The following EGFLAM variants were observed in gnomAD, a reference collection of about 807,000 sequenced individuals.
EGFLAM encodes the protein EGF like, fibronectin type III and laminin G domains, also known as pikachurin.
In EGFLAM, 79 loss-of-function variants were observed where a neutral mutation model predicts 113.1. That is an observed-to-expected ratio of 0.70 (90% confidence interval 0.58 to 0.84). EGFLAM has a LOEUF of 0.84. EGFLAM is among the 40% of genes least tolerant of loss of function. EGFLAM has a pLI of 0.00. For synonymous variants in EGFLAM, 504 were observed against 487.6 expected (o/e 1.03, Z -0.44); for missense variants, 1,265 against 1,291.6 (o/e 0.98, Z 0.32).
intron 12 of EGFLAM, among the ~76,000 whole-genome samples, chr5:38,421,705 C>T (rs919432766): frequency 2.0e-5 from 3 of 152,088 alleles, no homozygotes; most frequent in African/African-American, 7.2e-5. Flanking sequence ...AGTGGTGCTG[C>T]AGTGGTGATG....
At chr5:38,377,627 GA>G (rs1424803481) in intron 6 of EGFLAM, among the ~76,000 whole-genome samples, 1 of 152,164 alleles carries the variant, frequency 6.6e-6, no homozygotes, top group Admixed American at 6.5e-5. Flanking sequence ...AGTTGTTCTA[GA>G]AACCCACATA....
chr5:38,282,948 G>T (rs1173709909), intron 1 of EGFLAM, among the ~76,000 whole-genome samples: 1 of 152,082 alleles, frequency 6.6e-6, no homozygotes, highest in Non-Finnish European at 1.5e-5. Context: ...AGACTCAAGT[G>T]ATCCTCCCAC....
intron 1 of EGFLAM, among the ~76,000 whole-genome samples, chr5:38,335,567 G>A (rs563492633): frequency 3.9e-5 from 6 of 152,268 alleles, no homozygotes; most frequent in Non-Finnish European, 7.4e-5. Context: ...GTTGAGCCAA[G>A]AGGAAGCCAC....
At chr5:38,260,746 A>G (rs1757481042) in intron 1 of EGFLAM, among the ~76,000 whole-genome samples, 1 of 152,220 alleles carries the variant, frequency 6.6e-6, no homozygotes, top group South Asian at 2.1e-4. Flanking sequence ...CTCAGATTAA[A>G]ATGACAGCTA....
chr5:38,394,441 G>A (rs1357533008), intron 6 of EGFLAM, among the ~76,000 whole-genome samples: 9 of 151,054 alleles, frequency 6.0e-5, no homozygotes, highest in African/African-American at 1.7e-4. Flanking sequence ...ACGGAGTCCC[G>A]CTCTGTCTCC....
At chr5:38,461,754 A>G (rs1400372520) in intron 20 of EGFLAM, among the ~76,000 whole-genome samples, 1 of 152,206 alleles carries the variant, frequency 6.6e-6, no homozygotes, top group Non-Finnish European at 1.5e-5. Context: ...AACAAGGCTC[A>G]TGGGGCTGGA....
At chr5:38,366,922 G>C (rs1259816697) in intron 5 of EGFLAM, among the ~76,000 whole-genome samples, 1 of 152,184 alleles carries the variant, frequency 6.6e-6, no homozygotes, top group African/African-American at 2.4e-5. Flanking sequence ...ATGGTAAGTG[G>C]CAAAATGAAC....
chr5:38,451,446 C>T lies in EGFLAM; in HGVS notation c.2675C>T (p.Ala892Val). The T allele has an allele frequency of 1.9e-6, 3 of 1,614,044 alleles. No individual in the cohort carries two copies. The highest frequency in any genetic ancestry group is 1.7e-6 in the Non-Finnish European group (2 of 1,179,944). Residue 892 changes from alanine (A) to valine (V), a missense_variant, in exon 19 of 22, where the codon GCC (alanine) becomes GTC (valine). Ala to Val is a moderately conservative substitution (Grantham distance 64, BLOSUM62 0). Transcript: ENST00000322350. ...ATTTCCTTGGGCCTTCGGGATGGAGCCCTCGTGTTCAGGTAACCCCCTCTC... is the reference window on the plus strand; with the variant it reads ...ATTTCCTTGGGCCTTCGGGATGGAGTCCTCGTGTTCAGGTAACCCCCTCTC... Reference protein sequence around the residue: ...DFISLGLRDGALVFSYNLGSG... With the variant: ...DFISLGLRDGVLVFSYNLGSG...
intron 1 of EGFLAM, among the ~76,000 whole-genome samples, chr5:38,262,820 T>C (rs1402679489): frequency 6.6e-6 from 1 of 152,224 alleles, no homozygotes; most frequent in African/African-American, 2.4e-5. Context: ...AAGATATATG[T>C]TTCCATTTCT....
At chr5:38,457,744 C>T (rs1480073917) in intron 19 of EGFLAM, among the ~76,000 whole-genome samples, 1 of 152,126 alleles carries the variant, frequency 6.6e-6, no homozygotes, top group Non-Finnish European at 1.5e-5. Context: ...TGATAAAGCC[C>T]TTCTTGTTAT....
intron 16 of EGFLAM, among the ~76,000 whole-genome samples, chr5:38,435,612 T>G (rs1419531646): frequency 1.3e-5 from 2 of 152,138 alleles, no homozygotes; most frequent in Non-Finnish European, 2.9e-5. Context: ...CAACCTTGGC[T>G]CTGCGCTTCT....
intron 16 of EGFLAM, among the ~76,000 whole-genome samples, chr5:38,436,485 T>C (rs1312959661): frequency 1.3e-5 from 2 of 152,186 alleles, no homozygotes; most frequent in African/African-American, 4.8e-5. Flanking sequence ...CAGTCACGTG[T>C]TTCCCTTTGT....
In EGFLAM at chr5:38,425,100, A is replaced by G. The variant is rs201409353; in HGVS notation, c.1810+8A>G. On this transcript the variant is annotated splice_region_variant and intron_variant, in intron 13 of 21. Transcript: ENST00000322350. ...GTCGACACTGTGAAGATGGTGAGAA[A>G]GAAGCAAGTTGAAGGCGGTTTCTAT... 86 of 1,612,484 alleles carry G rather than the reference A, an allele frequency of 5.3e-5. No individual in the cohort carries two copies. In the East Asian group the frequency reaches 1.3e-3, roughly 24 times the overall value.
intron 19 of EGFLAM, among the ~76,000 whole-genome samples, chr5:38,452,506 A>G (rs1197787579): frequency 6.6e-6 from 1 of 152,176 alleles, no homozygotes; most frequent in East Asian, 1.9e-4. Context: ...CTACTCATAA[A>G]TTAGGAAGGG....
At chr5:38,342,101 C>T (rs898890046) in intron 3 of EGFLAM, among the ~76,000 whole-genome samples, 4 of 152,156 alleles carry the variant, frequency 2.6e-5, no homozygotes, top group African/African-American at 9.7e-5. Flanking sequence ...GATTAAGGCT[C>T]AGTGAAGAGT....
intron 1 of EGFLAM, among the ~76,000 whole-genome samples, chr5:38,321,345 C>A: frequency 6.6e-6 from 1 of 152,156 alleles, no homozygotes; most frequent in South Asian, 2.1e-4. Flanking sequence ...TGGGGACTGA[C>A]TGTAAATACA....
chr5:38,378,830 A>G (rs771604144), intron 6 of EGFLAM, among the ~76,000 whole-genome samples: 8 of 152,176 alleles, frequency 5.3e-5, no homozygotes, highest in Non-Finnish European at 8.8e-5. Context: ...GGGTACAGTA[A>G]TCCTGAGACA....
chr5:38,440,803 G>T (rs1385798841), intron 17 of EGFLAM, among the ~76,000 whole-genome samples: 1 of 152,182 alleles, frequency 6.6e-6, no homozygotes, highest in Non-Finnish European at 1.5e-5. Context: ...GAAATAACCA[G>T]CACCAGGGCT....
intron 3 of EGFLAM, among the ~76,000 whole-genome samples, chr5:38,347,654 A>C (rs1426699156): frequency 6.6e-6 from 1 of 152,182 alleles, no homozygotes; most frequent in African/African-American, 2.4e-5. Flanking sequence ...AGCCCTGCCA[A>C]GTTCTTAAGT....
Sources: gnomAD v4.1 joint callset for allele counts (sites outside exome capture counted in the v4.1 genomes callset) on GRCh38, gnomAD v4.1.1 for gene constraint, MANE v1.5 for transcripts, NCBI Gene and HGNC (gene_info 2026-07-23, HGNC 2026-07-21) for gene names.